CNNM2: variants seen among roughly 807,000 people sequenced by gnomAD.
The protein encoded by CNNM2 is metal transporter CNNM2.
In CNNM2, 12 loss-of-function variants were observed where a neutral mutation model predicts 66.9. That is an observed-to-expected ratio of 0.18 (90% CI 0.11 to 0.29). The LOEUF is 0.29. Ranked by LOEUF, CNNM2 falls within the 10% of genes least tolerant of loss-of-function variation. CNNM2 has a pLI of 1.00. For missense variants in CNNM2, 705 were observed against 1,167.7 expected, an observed-to-expected ratio of 0.60 and a Z score of 5.77; for synonymous variants, 557 against 501.8, an observed-to-expected ratio of 1.11 and a Z score of -1.47.
intron 1 of CNNM2, among the ~76,000 whole-genome samples, chr10:102,992,182 G>T (rs767708550): frequency 1.5e-4 from 22 of 151,102 alleles, no homozygotes; most frequent in Non-Finnish European, 2.4e-4. Flanking sequence ...TCTTCTACTT[G>T]CTTCCAAAGT....
At chr10:103,006,777 C>G (rs959420683) in intron 1 of CNNM2, among the ~76,000 whole-genome samples, 2 of 152,040 alleles carry the variant, frequency 1.3e-5, no homozygotes, top group African/African-American at 4.8e-5. Flanking sequence ...CAGGTGCACA[C>G]CATCATACCC....
intron 1 of CNNM2, among the ~76,000 whole-genome samples, chr10:103,033,630 A>C (rs2064872252): frequency 6.6e-6 from 1 of 152,142 alleles, no homozygotes; most frequent in South Asian, 2.1e-4. Context: ...GGAAAGCCAT[A>C]AACACAAATT....
intron 1 of CNNM2, among the ~76,000 whole-genome samples, chr10:103,008,570 G>A (rs1481367473): frequency 1.3e-5 from 2 of 152,166 alleles, no homozygotes; most frequent in Non-Finnish European, 2.9e-5. Flanking sequence ...CTTGAGGTCA[G>A]GAATTTGAGA....
intron 4 of CNNM2, among the ~76,000 whole-genome samples, chr10:103,065,487 A>T (rs184264685): frequency 2.6e-5 from 4 of 152,176 alleles, no homozygotes; most frequent in African/African-American, 9.7e-5. Context: ...AGAAAAAAAG[A>T]TGTACAGTTT....
intron 1 of CNNM2, among the ~76,000 whole-genome samples, chr10:102,943,308 G>T (rs1846493564): frequency 6.6e-6 from 1 of 151,780 alleles, no homozygotes. Context: ...TGCACCTGTA[G>T]TCCCAGCTCC....
chr10:102,958,496 G>A (rs867705432), intron 1 of CNNM2, among the ~76,000 whole-genome samples: 4 of 105,890 alleles, frequency 3.8e-5, no homozygotes, highest in Middle Eastern at 8.5e-3. Context: ...TTTTGAGATG[G>A]AGTCTCATCT....
chr10:102,927,194 T>G (rs1023055319), intron 1 of CNNM2: 1 of 920,174 alleles, frequency 1.1e-6, no homozygotes, highest in East Asian at 2.7e-5. Flanking sequence ...TATGTGTGTA[T>G]GTATATGTTA....
At chr10:103,038,297 A>G (rs1193873538) in intron 1 of CNNM2, among the ~76,000 whole-genome samples, 2 of 152,218 alleles carry the variant, frequency 1.3e-5, no homozygotes, top group East Asian at 3.8e-4. Flanking sequence ...GTCTTACTGC[A>G]TGGAGATTTT....
At chr10:102,996,816 T>A (rs2064013301) in intron 1 of CNNM2, among the ~76,000 whole-genome samples, 1 of 152,244 alleles carries the variant, frequency 6.6e-6, no homozygotes, top group South Asian at 2.1e-4. Flanking sequence ...GTACAGCATT[T>A]ATTTTCTCAT....
At chr10:103,067,997 CCT>C (rs1352947855) in intron 4 of CNNM2, among the ~76,000 whole-genome samples, 9 of 152,192 alleles carry the variant, frequency 5.9e-5, no homozygotes, top group Non-Finnish European at 1.5e-5. Context: ...CCAGGTTATT[CCT>C]CTCTGTTCCA....
chr10:103,089,587 G>C lies in CNNM2; in HGVS notation c.*12407G>C, dbSNP rs567771052. ...TCATGGAGCCCCCTCCCTCCCCCGA[G>C]TAGAACCCTAACAGGGACCTCGTTT... On this transcript the variant is annotated 3_prime_UTR_variant, in exon 8 of 8. Coordinates refer to ENST00000369878, the MANE Select transcript of CNNM2 (RefSeq NM_017649.5). 26 of 1,453,080 alleles carry C rather than the reference G, an allele frequency of 1.8e-5. No individual in the cohort carries two copies. The highest frequency in any genetic ancestry group is 2.4e-5 in the Non-Finnish European group (26 of 1,101,248). 90.0% of individuals were successfully genotyped at this position (1,453,080 alleles called of 1,614,324 possible). A position where few individuals can be genotyped will look rare whatever the true frequency, so the allele number is the denominator to read the frequency against.
chr10:103,035,421 TACAG>T (rs1433427103), intron 1 of CNNM2, among the ~76,000 whole-genome samples: 4 of 152,138 alleles, frequency 2.6e-5, no homozygotes, highest in Non-Finnish European at 4.4e-5. Context: ...CAGTGAGTGT[TACAG>T]ACCACCAAAA....
intron 2 of CNNM2, among the ~76,000 whole-genome samples, chr10:103,050,669 G>A (rs1000552226): frequency 6.6e-6 from 1 of 152,080 alleles, no homozygotes; most frequent in African/African-American, 2.4e-5. Context: ...GCAGTGGGTC[G>A]GGGGTGTGGG....
intron 1 of CNNM2, among the ~76,000 whole-genome samples, chr10:102,941,062 G>A (rs910024120): frequency 3.9e-5 from 6 of 151,932 alleles, no homozygotes; most frequent in African/African-American, 7.2e-5. Flanking sequence ...GAGCCATTGC[G>A]CCCAGCCTAG....
At chr10:103,013,085 C>G (rs1176092078) in intron 1 of CNNM2, among the ~76,000 whole-genome samples, 2 of 149,086 alleles carry the variant, frequency 1.3e-5, no homozygotes, top group Non-Finnish European at 3.0e-5. Flanking sequence ...ATCTTGGAAT[C>G]AGACAGACTT....
intron 1 of CNNM2, among the ~76,000 whole-genome samples, chr10:102,983,633 G>A (rs970376065): frequency 6.6e-6 from 1 of 152,010 alleles, no homozygotes; most frequent in Non-Finnish European, 1.5e-5. Flanking sequence ...TAGAGACAGG[G>A]TCTTTCTATG....
At chr10:102,927,248 A>G (rs1845901648) in intron 1 of CNNM2, 1 of 1,511,390 alleles carries the variant, frequency 6.6e-7, no homozygotes, top group Non-Finnish European at 9.1e-7. Flanking sequence ...TTGACATATA[A>G]AGAGTACTAT....
rs117643915 is a variant in CNNM2, at chr10:103,013,581, G to A, written c.1622-36126G>A. Among the ~76,000 whole-genome samples the A allele has an allele frequency of 5.2e-3, 795 of 152,254 alleles. 7 individuals are homozygous for A. The highest frequency in any genetic ancestry group is 0.031 in the Middle Eastern group (9 of 294). On this transcript the variant is annotated intron_variant, in intron 1 of 7. Transcript: ENST00000369878. ...AGGACACCAAGAAGAAATGGGGTTT[G>A]AAGTAACAGCTCCCTTTATCCAAGC...
At chr10:103,026,601 CAAAAAAAAAAAA>C (rs887780071) in intron 1 of CNNM2, among the ~76,000 whole-genome samples, 8 of 64,918 alleles carry the variant, frequency 1.2e-4, no homozygotes, top group Admixed American at 5.8e-4. Flanking sequence ...ACCTTGTCTT[CAAAAAAAAAAAA>C]AAAAAAAAAA....
Sources: gnomAD v4.1 joint callset for allele counts (sites outside exome capture counted in the v4.1 genomes callset) on GRCh38, gnomAD v4.1.1 for gene constraint, MANE v1.5 for transcripts, NCBI Gene and HGNC (gene_info 2026-07-23, HGNC 2026-07-21) for gene names.